Variants in REV3L observed in about 807,000 individuals in gnomAD.
REV3L encodes the protein DNA polymerase zeta catalytic subunit.
A neutral mutation model predicts 299.4 loss-of-function variants in REV3L; 69 were observed. The ratio of observed to expected loss-of-function variants is 0.23; its 90% CI spans 0.19 to 0.28. The LOEUF (loss-of-function observed/expected upper bound fraction) is 0.28. Among genes scored for constraint, REV3L ranks in the 10% least tolerant of loss-of-function variants. The pLI, the probability that REV3L is intolerant of heterozygous loss-of-function variation, is 1.00. For synonymous variants in REV3L, 1,238 were observed against 1,271.4 expected (o/e 0.97, Z 0.56); for missense variants, 3,128 against 3,693.8 (o/e 0.85, Z 3.97).
chr6:111,448,933 ATG>A (rs1011695770), intron 1 of REV3L, among the ~76,000 whole-genome samples: 6 of 147,244 alleles, frequency 4.1e-5, no homozygotes, highest in Admixed American at 1.3e-4. Context: ...AAAGTGCTGA[ATG>A]GGATTACAGG....
intron 1 of REV3L, 117 bp from the exon 2 acceptor site, chr6:111,416,589 G>A: frequency 1.3e-6 from 1 of 798,456 alleles, no homozygotes; most frequent in Non-Finnish European, 1.9e-6. Context: ...GGGAAGAGTT[G>A]AAAAAAATTA....
intron 1 of REV3L, chr6:111,431,125 G>A (rs1163611255): frequency 9.9e-6 from 15 of 1,515,388 alleles, no homozygotes; most frequent in Admixed American, 5.0e-5. Flanking sequence ...AACCTATGGG[G>A]AAGACACAGA....
chr6:111,385,372 A>G lies in REV3L; in HGVS notation c.1096+2393T>C, dbSNP rs980137746. 2.0e-5 allele frequency among the ~76,000 whole-genome samples: 3 copies of G among 152,148 alleles called. No individual in the cohort carries two copies. The East Asian group carries it at 5.8e-4, about 29-fold the overall frequency. Reference sequence around the variant, plus strand: ...TCTCTCATGTACCCCATAAATATATATGTCTACTATGTACCCACAAAAATT... The same window carrying G: ...TCTCTCATGTACCCCATAAATATATGTGTCTACTATGTACCCACAAAAATT... On this transcript the variant is annotated intron_variant, in intron 9 of 31. Coordinates refer to ENST00000368802, the MANE Select transcript of REV3L (RefSeq NM_001372078.1).
intron 1 of REV3L, among the ~76,000 whole-genome samples, chr6:111,436,191 C>T (rs1306507824): frequency 6.6e-6 from 1 of 152,126 alleles, no homozygotes; most frequent in Non-Finnish European, 1.5e-5. Context: ...GGAGAATCCT[C>T]GTACACCACT....
chr6:111,473,315 CT>C (rs965693741), intron 1 of REV3L, among the ~76,000 whole-genome samples: 1 of 151,864 alleles, frequency 6.6e-6, no homozygotes, highest in African/African-American at 2.4e-5. Context: ...CCTGCCTCTG[CT>C]TCCCAAAGTG....
At chr6:111,315,633 C>T in intron 26 of REV3L, 1 of 442,236 alleles carries the variant, frequency 2.3e-6, no homozygotes. Context: ...TCCCAGTAGT[C>T]AAGAAAGTCC....
At chr6:111,349,434 T>C (rs749627326) in intron 19 of REV3L, 98 bp from the exon 20 acceptor site, 3 of 533,152 alleles carry the variant, frequency 5.6e-6, no homozygotes, top group Non-Finnish European at 6.5e-6. Context: ...AGGATGAATA[T>C]TAAAGATGAA....
In REV3L at chr6:111,310,201, A is replaced by C. The variant is rs553492559; in HGVS notation, c.8796-102T>G. 62 of 1,349,094 alleles carry C rather than the reference A, an allele frequency of 4.6e-5. 1 individual carries two copies. The East Asian group carries it at 1.3e-3, about 28-fold the overall frequency. The allele number at this position is 1,349,094 out of a possible 1,614,324, so 83.6% of individuals were successfully genotyped here. A position where few individuals can be genotyped will look rare whatever the true frequency, so the allele number is the denominator to read the frequency against. On this transcript the variant is annotated intron_variant, in intron 29 of 31. Transcript: ENST00000368802. ...TAAACAATAATAAAACAATGAAAAA[A>C]CTACAAAAGACAATTTCAAAACAGA...
At chr6:111,428,122 T>C (rs1238113800) in intron 1 of REV3L, among the ~76,000 whole-genome samples, 1 of 150,790 alleles carries the variant, frequency 6.6e-6, no homozygotes, top group East Asian at 1.9e-4. Context: ...AAGACTAGAA[T>C]AAATAACTAA....
rs762689093 is a variant in REV3L, at chr6:111,376,490, G to A, written c.1865C>T (p.Thr622Ile). 6.2e-7 allele frequency: 1 copy of A among 1,613,358 alleles called. No homozygotes were observed. Among genetic ancestry groups the A allele is most frequent in the Non-Finnish European group, 8.5e-7 (1 of 1,179,792 alleles). ...NSVTSFTNES[T>I]YSMKYPGSLS... ...AGATCCAGGGTATTTCATAGAATAA[G>A]TGCTTTCGTTTGTAAAAGAAGTGAC... Residue 622 changes from threonine to isoleucine, a missense_variant, in exon 13 of 32, where the codon ACT becomes ATT. Thr to Ile is a moderately conservative substitution (Grantham distance 89). Transcript: ENST00000368802.
chr6:111,374,613 C>G lies in REV3L; in HGVS notation c.3742G>C (p.Val1248Leu). 6.2e-7 allele frequency: 1 copy of G among 1,613,688 alleles called. No individual in the cohort carries two copies. Among genetic ancestry groups the G allele is most frequent in the South Asian group, 1.1e-5 (1 of 90,908 alleles). The stretch of plus-strand genomic sequence containing the variant: ...CCAGAACTACTTGCAAATTCAGACA[C>G]ATTCTGGTGTTTCAGTACAAACTTA... ...EVKFVLKHQN[V>L]SEFASSSGGS... The change falls in exon 13 of 32, where the codon GTG becomes CTG. Residue 1248 changes from valine (V) to leucine (L), a missense_variant. Val to Leu is a conservative substitution (Grantham distance 32). This residue lies in a region of REV3L where 2,409 missense variants were observed against 2,611.8 expected (regional missense o/e 0.92). Transcript: ENST00000368802.
intron 20 of REV3L, among the ~76,000 whole-genome samples, chr6:111,344,530 A>G (rs1204211788): frequency 6.6e-6 from 1 of 152,218 alleles, no homozygotes; most frequent in Admixed American, 6.5e-5. Flanking sequence ...CAGACATTAT[A>G]GAGCCACTCA....
intron 25 of REV3L, among the ~76,000 whole-genome samples, chr6:111,323,151 G>C (rs1300105518): frequency 6.6e-6 from 1 of 152,136 alleles, no homozygotes; most frequent in East Asian, 1.9e-4. Context: ...ACCACACCCA[G>C]AGAATTTTTG....
chr6:111,349,497 C>A (rs182525296), intron 19 of REV3L, among the ~76,000 whole-genome samples, 161 bp from the exon 20 acceptor site: 8 of 150,468 alleles, frequency 5.3e-5, no homozygotes, highest in African/African-American at 1.9e-4. Flanking sequence ...AACCTGAAGT[C>A]TCTCCCTCCC....
intron 25 of REV3L, 68 bp downstream of exon 25, chr6:111,329,464 G>T (rs559851365): frequency 6.9e-7 from 1 of 1,442,702 alleles, no homozygotes; most frequent in African/African-American, 1.4e-5. Context: ...TGGGAATACA[G>T]GTGAGTGCCA....
chr6:111,353,699 T>C (rs574477057), intron 18 of REV3L: 1 of 152,184 alleles, frequency 6.6e-6, no homozygotes. Flanking sequence ...AACAATGGCA[T>C]GAATATCCAG....
intron 3 of REV3L, among the ~76,000 whole-genome samples, chr6:111,409,532 T>C (rs1045307066): frequency 7.2e-5 from 11 of 152,278 alleles, no homozygotes; most frequent in Non-Finnish European, 1.2e-4. Context: ...TATTTTAGTA[T>C]AATAAAGAGA....
chr6:111,427,823 G>T (rs1161193252), intron 1 of REV3L, among the ~76,000 whole-genome samples: 1 of 152,104 alleles, frequency 6.6e-6, no homozygotes, highest in Admixed American at 6.5e-5. Context: ...CAGAAATAAA[G>T]AGAAGAGGTC....
Position 111,307,493 on chromosome 6 carries a change from T to C in REV3L, c.9120A>G (p.Leu3040=). ...TTAGGTCATCACACACAGGACAGTG[T>C]AAGGTAGTAAAATATTGTGAAATAG... is the stretch of plus-strand genomic sequence containing the variant. ...KGTISQYFTT[L]HCPVCDDLTQ... The change falls in exon 31 of 32, where the codon TTA becomes TTG. Residue 3040 remains leucine, a synonymous_variant. Transcript: ENST00000368802. The C allele has an allele frequency of 6.2e-7, 1 of 1,614,184 alleles. No individual in the cohort carries two copies. The highest frequency in any genetic ancestry group is 8.5e-7 in the Non-Finnish European group (1 of 1,180,024).
Sources: gnomAD v4.1 joint callset for allele counts (sites outside exome capture counted in the v4.1 genomes callset) on GRCh38, gnomAD v4.1.1 for gene constraint, gnomAD v4.1.1 regional missense constraint, MANE v1.5 for transcripts, NCBI Gene and HGNC (gene_info 2026-07-23, HGNC 2026-07-21) for gene names.